The following LRRC7 variants were observed in gnomAD, a reference collection of about 807,000 sequenced individuals.
The protein encoded by LRRC7 is leucine-rich repeat-containing protein 7.
LRRC7 carries 23 observed loss-of-function variants against 175.7 expected under a neutral mutation model. The ratio of observed to expected loss-of-function variants is 0.13; its 90% CI spans 0.09 to 0.19. LRRC7 has a LOEUF of 0.19. LRRC7 is among the 10% of genes least tolerant of loss of function. The pLI is 1.00. For synonymous variants in LRRC7, 685 were observed against 680.9 expected (o/e 1.01, Z -0.09); for missense variants, 1,354 against 1,904.7 (o/e 0.71, Z 5.38).
intron 1 of LRRC7, among the ~76,000 whole-genome samples, chr1:69,584,436 C>T (rs928794281): frequency 2.0e-5 from 3 of 152,054 alleles, no homozygotes; most frequent in Admixed American, 6.6e-5. Context: ...AGTTGAATTT[C>T]AGTAATACCA....
chr1:70,033,234 T>A (rs1157553015), intron 18 of LRRC7, among the ~76,000 whole-genome samples: 2 of 152,132 alleles, frequency 1.3e-5, no homozygotes, highest in Non-Finnish European at 2.9e-5. Context: ...GTTTGTGACT[T>A]AGAATTATGA....
chr1:69,626,384 TAAAAAAAAA>T (rs10546011), intron 1 of LRRC7, among the ~76,000 whole-genome samples: 3 of 130,116 alleles, frequency 2.3e-5, no homozygotes, highest in African/African-American at 8.8e-5. Context: ...ACTTAGAATC[TAAAAAAAAA>T]AAAAAAAAAA....
chr1:70,114,570 T>A (rs1220017987), intron 26 of LRRC7, among the ~76,000 whole-genome samples: 2 of 152,036 alleles, frequency 1.3e-5, no homozygotes, highest in African/African-American at 4.8e-5. Context: ...CATGTGTAAT[T>A]CCAGCTACTC....
intron 8 of LRRC7, among the ~76,000 whole-genome samples, chr1:69,943,763 C>T (rs189157710): frequency 2.0e-5 from 3 of 151,964 alleles, no homozygotes; most frequent in African/African-American, 7.2e-5. Context: ...TCAAGGTAAA[C>T]CTGCCTCTAG....
chr1:69,718,742 T>C (rs1666024935), intron 2 of LRRC7, among the ~76,000 whole-genome samples: 1 of 151,770 alleles, frequency 6.6e-6, no homozygotes, highest in Admixed American at 6.6e-5. Flanking sequence ...AGAGAAAAAC[T>C]GACTTCCAGT....
At position 69,717,878 on chromosome 1, in the gene LRRC7, G is replaced by GAA. The variant is rs1185032761; in HGVS notation, c.100+39401_100+39402insAA. Among the ~76,000 whole-genome samples the GAA allele has an allele frequency of 1.8e-4, 22 of 121,454 alleles. 4 individuals are homozygous for GAA. The highest frequency in any genetic ancestry group is 5.3e-4 in the South Asian group (2 of 3,758). The allele number at this position is 121,454 out of a possible 152,430, so 79.7% of individuals were successfully genotyped here. On this transcript the variant is annotated intron_variant, in intron 2 of 26. Coordinates refer to ENST00000651989, the MANE Select transcript of LRRC7 (RefSeq NM_001370785.2). The stretch of plus-strand genomic sequence containing the variant: ...GGAAAGAAAGAAAGAAAGAAAGAAA[G>GAA]AGAGAAAAAGAGGAGGGAGGGAAGG...
At chr1:70,037,347 A>T (rs1659410811) in intron 20 of LRRC7, among the ~76,000 whole-genome samples, 1 of 152,200 alleles carries the variant, frequency 6.6e-6, no homozygotes, top group Non-Finnish European at 1.5e-5. Context: ...AACTTTTCCT[A>T]ATCATTGATG....
In LRRC7 at chr1:70,127,842, C is replaced by G. The variant is rs910883430; in HGVS notation, c.*5955C>G. Among the ~76,000 whole-genome samples the G allele has an allele frequency of 6.6e-6, 1 of 152,192 alleles. No individual in the cohort carries two copies. Among genetic ancestry groups the G allele is most frequent in the African/African-American group, 2.4e-5 (1 of 41,442 alleles). On this transcript the variant is annotated 3_prime_UTR_variant, in exon 27 of 27. Coordinates refer to ENST00000651989, the MANE Select transcript of LRRC7 (RefSeq NM_001370785.2). ...TCTTATTAGTCTACGGTTGGAACCA[C>G]TATGTAGTCCTACCCAAAGACAAGG... is the stretch of plus-strand genomic sequence containing the variant.
chr1:69,919,711 C>G (rs1191034980), intron 7 of LRRC7: 6 of 1,010,008 alleles, frequency 5.9e-6, no homozygotes, highest in African/African-American at 1.6e-5. Context: ...CCAGGGGAGA[C>G]CTGGGTGCCT....
rs55900412 is a variant in LRRC7 at position 69,943,949 on chromosome 1, AACACACACACACACACAC to A, written c.711+12401_711+12418del. Among the ~76,000 whole-genome samples the A allele has an allele frequency of 2.8e-5, 4 of 145,394 alleles. No individual in the cohort carries two copies. The South Asian group carries it at 8.8e-4, about 32-fold the overall frequency. The stretch of plus-strand genomic sequence containing the variant: ...TCAGTTCTTATTTTTTATCATGGTA[AACACACACACACACACAC>A]ACACACACACACACACACACAACAT... On this transcript the variant is annotated intron_variant, in intron 8 of 26. Transcript: ENST00000651989.
intron 8 of LRRC7, among the ~76,000 whole-genome samples, chr1:69,969,445 C>A (rs576948249): frequency 2.6e-5 from 4 of 152,192 alleles, no homozygotes; most frequent in African/African-American, 7.2e-5. Context: ...AAAGACACCC[C>A]ATGCAAATGG....
chr1:69,814,045 G>A (rs891582645), intron 4 of LRRC7, among the ~76,000 whole-genome samples: 27 of 151,936 alleles, frequency 1.8e-4, no homozygotes, highest in African/African-American at 5.1e-4. Flanking sequence ...ATGTACATAC[G>A]AATTTCTTTA....
At chr1:69,581,081 C>T (rs756663513) in intron 1 of LRRC7, among the ~76,000 whole-genome samples, 3 of 152,070 alleles carry the variant, frequency 2.0e-5, no homozygotes, top group Non-Finnish European at 4.4e-5. Flanking sequence ...GAGACTGGCA[C>T]GTTATGAGGC....
At chr1:69,641,489 C>CAT (rs1466207851) in intron 1 of LRRC7, among the ~76,000 whole-genome samples, 1 of 151,382 alleles carries the variant, frequency 6.6e-6, no homozygotes, top group Non-Finnish European at 1.5e-5. Flanking sequence ...AATCAGCATT[C>CAT]ATATATATAT....
At chr1:69,806,620 A>T (rs1323241402) in intron 4 of LRRC7, among the ~76,000 whole-genome samples, 1 of 151,882 alleles carries the variant, frequency 6.6e-6, no homozygotes, top group South Asian at 2.1e-4. Context: ...GTATTGCCCC[A>T]TTTTTAATTT....
intron 7 of LRRC7, among the ~76,000 whole-genome samples, chr1:69,841,932 C>T (rs1000212215): frequency 6.6e-6 from 1 of 152,062 alleles, no homozygotes; most frequent in Admixed American, 6.6e-5. Context: ...CAGACAAGGA[C>T]AAATGATTGA....
At chr1:69,625,709 G>T (rs1651407804) in intron 1 of LRRC7, among the ~76,000 whole-genome samples, 2 of 151,848 alleles carry the variant, frequency 1.3e-5, no homozygotes, top group South Asian at 4.2e-4. Flanking sequence ...TTCCATTATT[G>T]TTGTTTCAAA....
In LRRC7 at chr1:69,568,279, A is replaced by ACCGCCG. The variant is rs1011118516; in HGVS notation, c.-347_-342dup. ...GCGGGGAGGGAGCTGCGCCTCCGCC[A>ACCGCCG]CCGCCGCCGCCGCCGCCGCTGCTGC... On this transcript the variant is annotated 5_prime_UTR_variant, in exon 1 of 27. Coordinates refer to ENST00000651989, the MANE Select transcript of LRRC7 (RefSeq NM_001370785.2). The ACCGCCG allele has an allele frequency of 1.3e-4, 27 of 206,238 alleles. No homozygotes were observed. The highest frequency in any genetic ancestry group is 1.2e-3 in the East Asian group (7 of 5,748). The allele number at this position is 206,238 out of a possible 1,614,324, so 12.8% of individuals were successfully genotyped here.
At chr1:69,810,857 G>A (rs1677760191) in intron 4 of LRRC7, among the ~76,000 whole-genome samples, 1 of 152,142 alleles carries the variant, frequency 6.6e-6, no homozygotes, top group African/African-American at 2.4e-5. Context: ...CAGGATATAG[G>A]CATGGGCAAA....
Sources: allele counts gnomAD v4.1 joint callset (sites outside exome capture counted in the v4.1 genomes callset), GRCh38; gene constraint gnomAD v4.1.1; transcripts MANE v1.5; gene names NCBI Gene and HGNC (gene_info 2026-07-23, HGNC 2026-07-21).